The following POLG variants were observed in gnomAD, a reference collection of about 807,000 sequenced individuals.
POLG encodes DNA polymerase gamma, catalytic subunit.
In POLG, 110 loss-of-function variants were observed where a neutral mutation model predicts 155.4. That is an observed-to-expected ratio of 0.71 (90% CI 0.61 to 0.83). The LOEUF is 0.83. POLG is among the 40% of genes least tolerant of loss of function. The pLI is 0.00. For synonymous variants in POLG, 701 were observed against 631.5 expected, an observed-to-expected ratio of 1.11 and a Z score of -1.65; for missense variants, 1,685 against 1,627.5, an observed-to-expected ratio of 1.04 and a Z score of -0.61.
chr15:89,322,968 G>A lies in POLG; in HGVS notation c.2266-66C>T, dbSNP rs1303913415. 3.3e-6 allele frequency: 5 copies of A among 1,496,644 alleles called. No homozygotes were observed. In the African/African-American group the frequency reaches 6.9e-5, roughly 21 times the overall value. 92.7% of individuals were successfully genotyped at this position (1,496,644 alleles called of 1,614,324 possible). ...AGACCCCTGGGTGGGGAACCAACGT[G>A]AGTACCTGCACTCCTCCCAACACTG... On this transcript the variant is annotated intron_variant, in intron 13 of 22. Coordinates refer to ENST00000268124, the MANE Select transcript of POLG (RefSeq NM_002693.3).
chr15:89,319,547 G>A, intron 18 of POLG, 197 bp from the exon 19 acceptor site: 1 of 720,226 alleles, frequency 1.4e-6, no homozygotes, highest in Non-Finnish European at 2.3e-6. Context: ...GCTAGAAAGA[G>A]ATGCAGCCCA....
chr15:89,320,774 G>A lies in POLG; in HGVS notation c.2973C>T (p.Gly991=), dbSNP rs1342443139. Residue 991 remains glycine (G), a synonymous_variant, in exon 18 of 23, where the codon GGC becomes GGT. Transcript: ENST00000268124. ...GGGAGAGGGACCCTCACCAGCGGAGGCCCTTGGTGGCAGCGTACATCTGCT... is the reference window on the plus strand; with the variant it reads ...GGGAGAGGGACCCTCACCAGCGGAGACCCTTGGTGGCAGCGTACATCTGCT... ...KAQQMYAATK[G]LRWYRLSDEG... is the part of the protein sequence containing the mutation. The A allele has an allele frequency of 1.2e-6, 2 of 1,613,212 alleles. No individual in the cohort carries two copies. Among genetic ancestry groups the A allele is most frequent in the East Asian group, 2.2e-5 (1 of 44,888 alleles).
Position 89,317,577 on chromosome 15 carries a change from T to G in POLG, c.3483-41A>C, listed in dbSNP as rs2307436. 12,728 of 1,589,266 alleles carry G rather than the reference T, an allele frequency of 8.0e-3. 736 individuals carry two copies. The African/African-American group carries it at 0.14, about 18-fold the overall frequency. On this transcript the variant is annotated intron_variant, in intron 21 of 22. Coordinates refer to ENST00000268124, the MANE Select transcript of POLG (RefSeq NM_002693.3). ...TCTACTCTCACAGTCATGCCCCTCC[T>G]GTGAACAGATGCATCACTCCTGGAG...
rs1254460454 is a variant in POLG at position 89,319,054 on chromosome 15, C to T, written c.3150G>A (p.Lys1050=). 2.5e-6 allele frequency: 4 copies of T among 1,614,046 alleles called. No homozygotes were observed. Among genetic ancestry groups the T allele is most frequent in the African/African-American group, 1.3e-5 (1 of 74,914 alleles). ...TGAACATTTCTGACTCTGTGCCCCC[C>T]TTCCATGCCCGTTCAGCAACCACCT... The part of the protein sequence containing the change: ...KWEVVAERAW[K]GGTESEMFNK... The change falls in exon 20 of 23, where the codon AAG becomes AAA. Residue 1050 remains lysine, a synonymous_variant. Transcript: ENST00000268124.
At chr15:89,329,238 C>T (rs1228116393) in intron 3 of POLG, 128 bp from the exon 4 acceptor site, 2 of 749,852 alleles carry the variant, frequency 2.7e-6, no homozygotes, top group Non-Finnish European at 2.3e-6. Flanking sequence ...CCTCCCAGCA[C>T]ACAGCCTTCA....
chr15:89,325,083 AGAGAGT>A lies in POLG; in HGVS notation c.1949+361_1949+366del, dbSNP rs1567189181. Among the ~76,000 whole-genome samples, 27 of 91,218 alleles carry A rather than the reference AGAGAGT, an allele frequency of 3.0e-4. 5 individuals are homozygous for A. Among genetic ancestry groups the A allele is most frequent in the Non-Finnish European group, 5.0e-4 (23 of 45,554 alleles). 59.8% of individuals were successfully genotyped at this position (91,218 alleles called of 152,430 possible). A position where few individuals can be genotyped will look rare whatever the true frequency, so the allele number is the denominator to read the frequency against. ...GAGTGAGTGAGTGAGTGAGTGAGTG[AGAGAGT>A]GAGTGAGTGAGAGAGTGAGAGAGAG... On this transcript the variant is annotated intron_variant, in intron 10 of 22. Coordinates refer to ENST00000268124, the MANE Select transcript of POLG (RefSeq NM_002693.3).
rs907052263 is a variant in POLG at position 89,317,370 on chromosome 15, G to C, written c.3643+6C>G. On this transcript the variant is annotated splice_donor_region_variant and intron_variant, in intron 22 of 22. Coordinates refer to ENST00000268124, the MANE Select transcript of POLG (RefSeq NM_002693.3). ...GTGTAATGAGGAACAAATGTGTTGT[G>C]CTCACCCTGGGGAATCCCGTATCTC... 1 of 1,613,394 alleles carries C rather than the reference G, an allele frequency of 6.2e-7. No homozygotes were observed. Among genetic ancestry groups the C allele is most frequent in the Non-Finnish European group, 8.5e-7 (1 of 1,179,498 alleles).
intron 22 of POLG, 167 bp from the exon 23 acceptor site, chr15:89,316,994 A>ATAAG: frequency 4.6e-6 from 3 of 655,734 alleles, no homozygotes; most frequent in Admixed American, 2.5e-5. Flanking sequence ...TTCTTTTTAT[A>ATAAG]TAAGTGTGTC....
rs751736420 is a variant in POLG at position 89,323,448 on chromosome 15, C to T, written c.2221G>A (p.Asp741Asn). 14 of 1,613,930 alleles carry T rather than the reference C, an allele frequency of 8.7e-6. No individual in the cohort carries two copies. Among genetic ancestry groups the T allele is most frequent in the Middle Eastern group, 1.6e-4 (1 of 6,084 alleles). ...AACCAGCAGCCAGGGATGTCCACGT[C>T]GTTGTAAGGTCCATTGCCATGGTGA... Reference protein sequence around the residue: ...SYHHGNGPYNDVDIPGCWFFK... With the variant: ...SYHHGNGPYNNVDIPGCWFFK... The change falls in exon 13 of 23, where the codon GAC becomes AAC. Residue 741 changes from aspartate to asparagine, a missense_variant. By Grantham distance (23) the Asp-to-Asn change is conservative (BLOSUM62 1). This residue lies in a region of POLG where 1,210 missense variants were observed against 1,167.1 expected (regional missense o/e 1.04). Coordinates refer to ENST00000268124, the MANE Select transcript of POLG (RefSeq NM_002693.3).
Position 89,320,870 on chromosome 15 carries a change from C to T in POLG, c.2877G>A (p.Gln959=). 1 of 1,614,016 alleles carries T rather than the reference C, an allele frequency of 6.2e-7. No individual in the cohort carries two copies. Among genetic ancestry groups the T allele is most frequent in the Non-Finnish European group, 8.5e-7 (1 of 1,180,042 alleles). Residue 959 remains glutamine (Q), a synonymous_variant, in exon 18 of 23, where the codon CAG becomes CAA. Coordinates refer to ENST00000268124, the MANE Select transcript of POLG (RefSeq NM_002693.3). ...FNYGRIYGAG[Q]PFAERLLMQF... is the part of the protein sequence containing the mutation. ...GCATTAGTAAGCGCTCAGCAAAGGG[C>T]TGCCCAGCACCATAGATGCGGCCGT... is the stretch of plus-strand genomic sequence containing the variant.
At chr15:89,322,944 G>A (rs777132898) in intron 13 of POLG, 42 bp from the exon 14 acceptor site, 8 of 1,603,564 alleles carry the variant, frequency 5.0e-6, no homozygotes, top group South Asian at 1.1e-5. Flanking sequence ...GCAGGTGGCA[G>A]ACCCCTGGGT....
chr15:89,326,723 C>T lies in POLG; in HGVS notation c.1601G>A (p.Ser534Asn). ...ATCTTGTTGAAACTCCTCCTCCTCACTGCAGGGGCCGAGGTCTGTGAGGGT... is the reference window on the plus strand; with the variant it reads ...ATCTTGTTGAAACTCCTCCTCCTCATTGCAGGGGCCGAGGTCTGTGAGGGT... ...PMDQEDLGPC[S>N]EEEEFQQDVM... The change falls in exon 9 of 23, where the codon AGT becomes AAT. Residue 534 changes from serine (S) to asparagine (N), a missense_variant. Ser to Asn is a conservative substitution (Grantham distance 46, BLOSUM62 1). Coordinates refer to ENST00000268124, the MANE Select transcript of POLG (RefSeq NM_002693.3). 1 of 1,614,120 alleles carries T rather than the reference C, an allele frequency of 6.2e-7. No individual in the cohort carries two copies. The highest frequency in any genetic ancestry group is 8.5e-7 in the Non-Finnish European group (1 of 1,180,040).
chr15:89,316,320 T>G lies in POLG; in HGVS notation c.*431A>C. 7.1e-7 allele frequency: 1 copy of G among 1,413,872 alleles called. No homozygotes were observed. The highest frequency in any genetic ancestry group is 9.8e-7 in the Non-Finnish European group (1 of 1,020,820). 87.6% of individuals were successfully genotyped at this position (1,413,872 alleles called of 1,614,324 possible). A position where few individuals can be genotyped will look rare whatever the true frequency, so the allele number is the denominator to read the frequency against. On this transcript the variant is annotated 3_prime_UTR_variant, in exon 23 of 23. Coordinates refer to ENST00000268124, the MANE Select transcript of POLG (RefSeq NM_002693.3). ...AAGGCTTTGATGAGAAGATAGAGTC[T>G]TTTTTTTCCTTCTTTTTATTTCCAC...
At chr15:89,323,324 G>A in intron 13 of POLG, 80 bp downstream of exon 13, 3 of 849,652 alleles carry the variant, frequency 3.5e-6, no homozygotes, top group East Asian at 2.5e-5. Flanking sequence ...AAAGTCTCAG[G>A]TGTGTCACTC....
Position 89,333,309 on chromosome 15 carries a change from G to C in POLG, c.446C>G (p.Pro149Arg). The C allele has an allele frequency of 3.2e-6, 5 of 1,556,314 alleles. No individual in the cohort carries two copies. Among genetic ancestry groups the C allele is most frequent in the South Asian group, 1.2e-5 (1 of 86,260 alleles). The change falls in exon 2 of 23, where the codon CCC (proline) becomes CGC (arginine). Residue 149 changes from proline (P) to arginine (R), a missense_variant. By Grantham distance (103) the Pro-to-Arg change is moderately radical. This residue lies in a region of POLG where 1,210 missense variants were observed against 1,167.1 expected (regional missense o/e 1.04). Coordinates refer to ENST00000268124, the MANE Select transcript of POLG (RefSeq NM_002693.3). ...CAGCAAGTTGGCCGCCTCCAGGTAG[G>C]GCAGGCTCTGCTTCTGGGCCAGGAG... ...FRLLAQKQSL[P>R]YLEAANLLLQ...
At position 89,317,479 on chromosome 15, in the gene POLG, G is replaced by GA; in HGVS notation, c.3539dup (p.Ser1181GlnfsTer6). ...GGCACCGGTCAATATCGACTGCACT[G>GA]AAAAAGGCGACTGACTGGGGCAAGT... On this transcript the variant is annotated frameshift_variant, in exon 22 of 23. Transcript: ENST00000268124. LOFTEE classifies it high-confidence loss of function. The GA allele has an allele frequency of 2.5e-6, 4 of 1,614,092 alleles. No individual in the cohort carries two copies. The highest frequency in any genetic ancestry group is 3.4e-6 in the Non-Finnish European group (4 of 1,179,966).
At chr15:89,329,174 C>T in intron 3 of POLG, 64 bp from the exon 4 acceptor site, 1 of 1,437,628 alleles carries the variant, frequency 7.0e-7, no homozygotes, top group Non-Finnish European at 9.5e-7. Context: ...GCCAGCCCAC[C>T]ACTGCTTGGT....
chr15:89,326,973 G>C lies in POLG; in HGVS notation c.1524C>G (p.Ala508=), dbSNP rs1057523450. The change falls in exon 8 of 23, where the codon GCC becomes GCG. Residue 508 remains alanine, a synonymous_variant. Coordinates refer to ENST00000268124, the MANE Select transcript of POLG (RefSeq NM_002693.3). The stretch of plus-strand genomic sequence containing the variant: ...CCTCGATGGGCAACTTGCTGGCTGT[G>C]GCTGGTTCCTTCTTCACCTTCTTAG... ...KKAKKVKKEP[A]TASKLPIEGA... is the part of the protein sequence containing the mutation. The C allele has an allele frequency of 1.2e-6, 2 of 1,614,190 alleles. No homozygotes were observed. The highest frequency in any genetic ancestry group is 2.2e-5 in the South Asian group (2 of 91,086).
chr15:89,317,065 AGTTT>A (rs1378429287), intron 22 of POLG: 21 of 591,768 alleles, frequency 3.5e-5, no homozygotes, highest in South Asian at 1.4e-4. Flanking sequence ...TTTAAAGCAC[AGTTT>A]GTTTTTCTGT....
Sources: allele counts gnomAD v4.1 joint callset (sites outside exome capture counted in the v4.1 genomes callset), GRCh38; gene constraint gnomAD v4.1.1; regional missense constraint gnomAD v4.1.1; transcripts MANE v1.5; gene names NCBI Gene and HGNC (gene_info 2026-07-23, HGNC 2026-07-21).